The following NCAPD2 variants were observed in gnomAD, a reference collection of about 807,000 sequenced individuals.
NCAPD2 encodes the protein non-SMC condensin I complex subunit D2, also known as condensin complex subunit 1.
Under a neutral mutation model 164.5 loss-of-function variants are expected in NCAPD2, and 100 were observed. The ratio of observed to expected loss-of-function variants is 0.61; its 90% CI spans 0.52 to 0.72. The LOEUF is 0.72. Ranked by LOEUF, NCAPD2 falls within the 30% of genes least tolerant of loss-of-function variation. The pLI is 0.00. For synonymous variants in NCAPD2, 585 were observed against 642.6 expected (o/e 0.91, Z 1.36); for missense variants, 1,560 against 1,749.2 (o/e 0.89, Z 1.93).
At chr12:6,511,058 G>A (rs541727717) in intron 5 of NCAPD2, 52 bp from the exon 6 acceptor site, 35 of 1,594,334 alleles carry the variant, frequency 2.2e-5, no homozygotes, top group Non-Finnish European at 3.0e-5. Flanking sequence ...GACAGATCTT[G>A]ACCCACTTTT....
At chr12:6,523,383 A>ACAAGTATT (rs747890571) in intron 17 of NCAPD2, 37 bp downstream of exon 17, 1 of 1,380,366 alleles carries the variant, frequency 7.2e-7, no homozygotes, top group Non-Finnish European at 1.0e-6. Context: ...TATTCATTCA[A>ACAAGTATT]CAAGTATTTT....
chr12:6,523,222 C>A (rs1592175509), intron 16 of NCAPD2, 40 bp from the exon 17 acceptor site: 2 of 1,594,626 alleles, frequency 1.3e-6, no homozygotes, highest in East Asian at 4.5e-5. Context: ...GTTCAGCTTC[C>A]CAATCTTATA....
chr12:6,528,797 G>C lies in NCAPD2; in HGVS notation c.3418G>C (p.Asp1140His). 2 of 1,614,066 alleles carry C rather than the reference G, an allele frequency of 1.2e-6. No homozygotes were observed. The highest frequency in any genetic ancestry group is 1.7e-6 in the Non-Finnish European group (2 of 1,180,000). The change falls in exon 26 of 32, where the codon GAC (aspartate) becomes CAC (histidine). Residue 1140 changes from aspartate to histidine, a missense_variant. Asp to His is a moderately conservative substitution (Grantham distance 81, BLOSUM62 -1). Coordinates refer to ENST00000315579, the MANE Select transcript of NCAPD2 (RefSeq NM_014865.4). This position sits in a 1 kb window ranked among gnomAD's most constrained non-coding sequence, Gnocchi z 5.1. ...CAGCGAGATGGCGGTGCTGCTCATC[G>C]ACCCCGAGCCTCAGATTGCTGCCCT... ...QVSEMAVLLI[D>H]PEPQIAALAK... is the part of the protein sequence containing the mutation.
At position 6,510,055 on chromosome 12, in the gene NCAPD2, A is replaced by C. The variant is rs780159726; in HGVS notation, c.204-20A>C. The C allele has an allele frequency of 6.2e-7, 1 of 1,611,352 alleles. No homozygotes were observed. Among genetic ancestry groups the C allele is most frequent in the South Asian group, 1.1e-5 (1 of 91,010 alleles). ...GCAGGCTCCTTCCTGTCTCACCCCC[A>C]CACTTTCTTTCCCTCATAGTCACTT... is the stretch of plus-strand genomic sequence containing the variant. On this transcript the variant is annotated intron_variant, in intron 3 of 31. Transcript: ENST00000315579.
rs778115986 is a variant in NCAPD2, at chr12:6,528,719, C to G, written c.3340C>G (p.Leu1114Val). Residue 1114 changes from leucine to valine, a missense_variant, in exon 26 of 32, where the codon CTG becomes GTG. Coordinates refer to ENST00000315579, the MANE Select transcript of NCAPD2 (RefSeq NM_014865.4). This position sits in a 1 kb window ranked among gnomAD's most constrained non-coding sequence, Gnocchi z 5.1. ...PAQQVRKTAG[L>V]VMTHLILKDM... ...TCAGCAAGTGCGGAAAACAGCGGGG[C>G]TGGTGATGACCCACCTGATCCTCAA... is the stretch of plus-strand genomic sequence containing the variant. 19 of 1,613,992 alleles carry G rather than the reference C, an allele frequency of 1.2e-5. No homozygotes were observed. In the South Asian group the frequency reaches 1.8e-4, roughly 15 times the overall value.
chr12:6,496,846 G>A (rs2270174), intron 2 of NCAPD2, among the ~76,000 whole-genome samples: 51,435 of 152,030 alleles, frequency 0.34, 9,259 homozygotes, highest in African/African-American at 0.46. Context: ...CACCATGCTC[G>A]GCCAGACTTT....
intron 18 of NCAPD2, 26 bp from the exon 19 acceptor site, chr12:6,526,039 CCTT>C (rs1946314110): frequency 6.2e-7 from 1 of 1,611,046 alleles, no homozygotes; most frequent in Non-Finnish European, 8.5e-7. Flanking sequence ...TCCATGACTG[CCTT>C]TAACTCTGTG....
intron 28 of NCAPD2, 22 bp downstream of exon 28, chr12:6,529,615 T>G: frequency 6.2e-7 from 1 of 1,613,372 alleles, no homozygotes; most frequent in Non-Finnish European, 8.5e-7. Flanking sequence ...TCCCTGAGGG[T>G]TCTTTGTGCT....
Position 6,514,806 on chromosome 12 carries a change from T to G in NCAPD2, c.873T>G (p.Ser291Arg). Residue 291 changes from serine to arginine, a missense_variant, in exon 9 of 32, where the codon AGT (serine) becomes AGG (arginine). Ser to Arg is a moderately radical substitution (Grantham distance 110). Coordinates refer to ENST00000315579, the MANE Select transcript of NCAPD2 (RefSeq NM_014865.4). ...GACAAAAGTGTCCCCAAGAGCTGAG[T>G]CGAGACCCTTCAGGGACAAAGGGCT... ...EIGQKCPQEL[S>R]RDPSGTKGFA... The G allele has an allele frequency of 6.2e-7, 1 of 1,614,180 alleles. No individual in the cohort carries two copies. The highest frequency in any genetic ancestry group is 8.5e-7 in the Non-Finnish European group (1 of 1,180,030).
intron 3 of NCAPD2, 56 bp downstream of exon 3, chr12:6,509,848 CTG>C (rs1946129704): frequency 3.2e-6 from 5 of 1,565,164 alleles, no homozygotes; most frequent in African/African-American, 1.4e-5. Context: ...TTTGTCCTAA[CTG>C]TGCATGTTAG....
chr12:6,495,173 G>T lies in NCAPD2; in HGVS notation c.75G>T (p.Gln25His), dbSNP rs1284721438. ...EELLKSGGVNQYVVQEVLSIK... is the reference protein window; with the variant it reads ...EELLKSGGVNHYVVQEVLSIK... The stretch of plus-strand genomic sequence containing the variant: ...TGTTGAAAAGTGGAGGGGTGAATCA[G>T]TATGTTGTGCAAGAGGTACTGTCCA... Residue 25 changes from glutamine (Q) to histidine (H), a missense_variant, in exon 2 of 32, where the codon CAG becomes CAT. By Grantham distance (24) the Gln-to-His change is conservative. Transcript: ENST00000315579. 1 of 1,614,140 alleles carries T rather than the reference G, an allele frequency of 6.2e-7. No homozygotes were observed. Among genetic ancestry groups the T allele is most frequent in the Non-Finnish European group, 8.5e-7 (1 of 1,180,012 alleles).
At chr12:6,520,181 T>TAA (rs10674281) in intron 13 of NCAPD2, among the ~76,000 whole-genome samples, 2,320 of 141,796 alleles carry the variant, frequency 0.016, 68 homozygotes, top group East Asian at 0.1. Context: ...ACTCTGTCTC[T>TAA]AAAAAAAAAA....
intron 13 of NCAPD2, among the ~76,000 whole-genome samples, chr12:6,519,417 C>T (rs533737638): frequency 1.1e-4 from 17 of 152,280 alleles, no homozygotes; most frequent in Middle Eastern, 3.4e-3. Context: ...AGCGCAATCA[C>T]AGCTCACTGC....
In NCAPD2 at chr12:6,528,029, C is replaced by A; in HGVS notation, c.3081C>A (p.Leu1027=). ...LLLKVCNNPG[L]YSNPDLSAAA... ...TTAAAGTCTGTAACAACCCAGGCCTCTATAGCAACCCAGACCTCTCTGCAG... is the reference window on the plus strand; with the variant it reads ...TTAAAGTCTGTAACAACCCAGGCCTATATAGCAACCCAGACCTCTCTGCAG... Residue 1027 remains leucine, a synonymous_variant, in exon 24 of 32, where the codon CTC becomes CTA. Coordinates refer to ENST00000315579, the MANE Select transcript of NCAPD2 (RefSeq NM_014865.4). This position sits in a 1 kb window ranked among gnomAD's most constrained non-coding sequence, Gnocchi z 5.1. 12 of 1,614,222 alleles carry A rather than the reference C, an allele frequency of 7.4e-6. No homozygotes were observed. The highest frequency in any genetic ancestry group is 9.3e-6 in the Non-Finnish European group (11 of 1,180,046).
rs773097640 is a variant in NCAPD2, at chr12:6,531,387, C to G, written c.4181C>G (p.Ala1394Gly). 6.2e-7 allele frequency: 1 copy of G among 1,613,810 alleles called. No individual in the cohort carries two copies. The highest frequency in any genetic ancestry group is 1.3e-5 in the African/African-American group (1 of 74,894). ...TPKKTTPILR[A>G]SARRHRS ...AAGAAAACAACTCCCATTCTCAGAG[C>G]ATCGGCTCGCAGGCACAGATCCTAG... Residue 1394 changes from alanine (A) to glycine (G), a missense_variant, in exon 32 of 32, where the codon GCA becomes GGA. Transcript: ENST00000315579. The surrounding 1 kb of genome is among the most constrained non-coding windows in gnomAD (Gnocchi z 4.1).
intron 2 of NCAPD2, among the ~76,000 whole-genome samples, chr12:6,506,518 A>G (rs1592167366): frequency 1.3e-5 from 2 of 151,794 alleles, no homozygotes; most frequent in East Asian, 3.9e-4. Context: ...TGAACCCAGG[A>G]GGCAGAGCTT....
chr12:6,511,296 T>A (rs199782862), intron 6 of NCAPD2, 44 bp downstream of exon 6: 5 of 1,590,718 alleles, frequency 3.1e-6, no homozygotes, highest in South Asian at 2.3e-5. Flanking sequence ...GCTGTGAGAG[T>A]GAGGCTCTGT....
In NCAPD2 at chr12:6,529,951, A is replaced by T. The variant is rs1946356525; in HGVS notation, c.3830A>T (p.Glu1277Val). 16 of 1,613,204 alleles carry T rather than the reference A, an allele frequency of 9.9e-6. No individual in the cohort carries two copies. Among genetic ancestry groups the T allele is most frequent in the Non-Finnish European group, 1.4e-5 (16 of 1,179,382 alleles). Reference protein sequence around the residue: ...VGKLRRGAKPEGKAIIDEFEQ... With the variant: ...VGKLRRGAKPVGKAIIDEFEQ... ...AAGCTGCGACGTGGGGCCAAGCCTG[A>T]GGGCAAGGTGAGCAGCACAGGACAC... Residue 1277 changes from glutamate (E) to valine (V), a missense_variant, in exon 29 of 32, where the codon GAG (glutamate) becomes GTG (valine). Transcript: ENST00000315579.
At chr12:6,524,413 G>A (rs1234599232) in intron 17 of NCAPD2, among the ~76,000 whole-genome samples, 1 of 152,138 alleles carries the variant, frequency 6.6e-6, no homozygotes, top group Admixed American at 6.5e-5. Context: ...GGCCAAGGCA[G>A]CAGATTACCT....
Sources: allele counts gnomAD v4.1 joint callset (sites outside exome capture counted in the v4.1 genomes callset), GRCh38; gene constraint gnomAD v4.1.1; non-coding constraint Gnocchi (gnomAD v3.1); transcripts MANE v1.5; gene names NCBI Gene and HGNC (gene_info 2026-07-23, HGNC 2026-07-21).